The following CRISPLD2 variants were observed in gnomAD, a reference collection of about 807,000 sequenced individuals.
CRISPLD2 encodes the protein cysteine-rich secretory protein LCCL domain-containing 2.
Under a neutral mutation model 71.1 loss-of-function variants are expected in CRISPLD2, and 47 were observed. The ratio of observed to expected loss-of-function variants is 0.66; its 90% CI spans 0.52 to 0.84. The LOEUF is 0.84. CRISPLD2 is among the 40% of genes least tolerant of loss of function. The pLI, the probability that CRISPLD2 is intolerant of heterozygous loss-of-function variation, is 0.00. For missense variants in CRISPLD2, 830 were observed against 651.1 expected, an observed-to-expected ratio of 1.27 and a Z score of -2.99; for synonymous variants, 317 against 250.1, an observed-to-expected ratio of 1.27 and a Z score of -2.52.
intron 14 of CRISPLD2, among the ~76,000 whole-genome samples, chr16:84,894,156 CAACATA>C (rs1180789271): frequency 2.6e-5 from 4 of 152,112 alleles, no homozygotes; most frequent in Admixed American, 2.0e-4. Context: ...AGAAATGAGG[CAACATA>C]AGAGACTAGC....
chr16:84,896,255 G>C (rs994943154), intron 14 of CRISPLD2, among the ~76,000 whole-genome samples: 105 of 151,990 alleles, frequency 6.9e-4, no homozygotes, highest in South Asian at 2.5e-3. Flanking sequence ...CACCATGTTG[G>C]CCAGGCTGGT....
At chr16:84,870,597 G>C (rs1347609409) in intron 8 of CRISPLD2, among the ~76,000 whole-genome samples, 1 of 152,102 alleles carries the variant, frequency 6.6e-6, no homozygotes, top group African/African-American at 2.4e-5. Flanking sequence ...GATTACAGGC[G>C]TGAGCCACTG....
At chr16:84,889,399 C>T (rs2071641683) in intron 14 of CRISPLD2, 36 bp downstream of exon 14, 8 of 1,580,820 alleles carry the variant, frequency 5.1e-6, no homozygotes, top group Non-Finnish European at 6.9e-6. Flanking sequence ...ACACCCAATC[C>T]CGGCTGCTAA....
chr16:84,826,927 C>A (rs1360889935), intron 1 of CRISPLD2, among the ~76,000 whole-genome samples: 12 of 152,350 alleles, frequency 7.9e-5, no homozygotes, highest in Admixed American at 5.9e-4. Flanking sequence ...CCTTGGACCA[C>A]TCCTGCCCTC....
intron 6 of CRISPLD2, among the ~76,000 whole-genome samples, chr16:84,859,724 C>A (rs1055361151): frequency 6.6e-6 from 1 of 152,186 alleles, no homozygotes. Context: ...AGGAGCAGCA[C>A]AATTAATTAG....
rs190418763 is a variant in CRISPLD2 at position 84,896,393 on chromosome 16, C to G, written c.1439+7030C>G. Among the ~76,000 whole-genome samples the G allele has an allele frequency of 8.2e-3, 1,250 of 151,906 alleles. 11 individuals carry two copies. The highest frequency in any genetic ancestry group is 0.024 in the Middle Eastern group (7 of 292). ...AAAAAAGACTATATATAGAGAGAGA[C>G]ACACACACACAGACACATACACATA... On this transcript the variant is annotated intron_variant, in intron 14 of 14. Coordinates refer to ENST00000262424, the MANE Select transcript of CRISPLD2 (RefSeq NM_031476.4).
chr16:84,878,328 C>G (rs543812759), intron 12 of CRISPLD2, among the ~76,000 whole-genome samples: 1 of 152,334 alleles, frequency 6.6e-6, no homozygotes, highest in South Asian at 2.1e-4. Context: ...CATTACTGCT[C>G]TGGTGGCCAG....
In CRISPLD2 at chr16:84,909,329, A is replaced by G. The variant is rs543907787; in HGVS notation, c.*2687A>G. On this transcript the variant is annotated 3_prime_UTR_variant, in exon 15 of 15. Coordinates refer to ENST00000262424, the MANE Select transcript of CRISPLD2 (RefSeq NM_031476.4). ...TGTGTGCTTTTTTCTATGAAAAATG[A>G]TGTATTTTGCTACTTCCTGTGTACA... 1 of 152,640 alleles carries G rather than the reference A, an allele frequency of 6.6e-6. No individual in the cohort carries two copies. The highest frequency in any genetic ancestry group is 2.4e-5 in the African/African-American group (1 of 41,538). 9.5% of individuals were successfully genotyped at this position (152,640 alleles called of 1,614,324 possible). A position where few individuals can be genotyped will look rare whatever the true frequency, so the allele number is the denominator to read the frequency against.
At chr16:84,839,987 C>G (rs1916727739) in intron 2 of CRISPLD2, 1 of 151,592 alleles carries the variant, frequency 6.6e-6, no homozygotes, top group African/African-American at 2.5e-5. Context: ...CCACTGCACT[C>G]CAGCCTGGGT....
At chr16:84,896,812 A>G (rs1324576917) in intron 14 of CRISPLD2, among the ~76,000 whole-genome samples, 7 of 152,230 alleles carry the variant, frequency 4.6e-5, no homozygotes, top group Admixed American at 4.6e-4. Flanking sequence ...ATATTTCTTA[A>G]TAATTAAAAA....
At chr16:84,832,814 A>G (rs9932059) in intron 1 of CRISPLD2, among the ~76,000 whole-genome samples, 28,240 of 152,216 alleles carry the variant, frequency 0.19, 2,818 homozygotes, top group Middle Eastern at 0.26. Flanking sequence ...GCCCAGGCCA[A>G]TGACGCAATG....
intron 6 of CRISPLD2, among the ~76,000 whole-genome samples, chr16:84,860,912 T>G (rs570718731): frequency 3.0e-4 from 46 of 152,218 alleles, no homozygotes; most frequent in Non-Finnish European, 2.9e-5. Flanking sequence ...CAGTATCTGC[T>G]TCTGAAGCCG....
At chr16:84,882,801 A>G (rs2071580250) in intron 13 of CRISPLD2, among the ~76,000 whole-genome samples, 1 of 152,238 alleles carries the variant, frequency 6.6e-6, no homozygotes, top group African/African-American at 2.4e-5. Flanking sequence ...GTAGGAAGAA[A>G]ACAAGGCTCA....
chr16:84,842,378 T>C (rs1337921189), intron 2 of CRISPLD2: 6 of 49,016 alleles, frequency 1.2e-4, no homozygotes, highest in African/African-American at 2.8e-4. Context: ...CTTTCTTTCT[T>C]ATTGTTTTTT....
chr16:84,851,602 G>A (rs1444471669), intron 5 of CRISPLD2, among the ~76,000 whole-genome samples: 2 of 152,238 alleles, frequency 1.3e-5, no homozygotes, highest in African/African-American at 2.4e-5. Flanking sequence ...AAACCATCTG[G>A]TGTGCCTGCG....
intron 6 of CRISPLD2, among the ~76,000 whole-genome samples, chr16:84,855,423 G>A (rs184094049): frequency 6.6e-6 from 1 of 152,324 alleles, no homozygotes; most frequent in Non-Finnish European, 1.5e-5. Flanking sequence ...ATGTTTGAGG[G>A]CAGGAAGCAT....
intron 6 of CRISPLD2, among the ~76,000 whole-genome samples, chr16:84,862,619 C>T (rs1459514479): frequency 6.6e-6 from 1 of 151,510 alleles, no homozygotes. Context: ...GAAGTTATGT[C>T]CCCGATGGGG....
intron 8 of CRISPLD2, among the ~76,000 whole-genome samples, chr16:84,871,080 A>G (rs2071464725): frequency 1.3e-5 from 2 of 151,964 alleles, no homozygotes; most frequent in South Asian, 4.1e-4. Context: ...TGATAAATAA[A>G]TAGTTGGGAT....
chr16:84,878,732 G>A (rs1022935711), intron 12 of CRISPLD2, among the ~76,000 whole-genome samples: 2 of 152,328 alleles, frequency 1.3e-5, no homozygotes, highest in African/African-American at 4.8e-5. Context: ...TATTTGAATC[G>A]GCTGAGGCAC....
Sources: gnomAD v4.1 joint callset for allele counts (sites outside exome capture counted in the v4.1 genomes callset) on GRCh38, gnomAD v4.1.1 for gene constraint, MANE v1.5 for transcripts, NCBI Gene and HGNC (gene_info 2026-07-23, HGNC 2026-07-21) for gene names.